Variants in SAMD12 observed in about 807,000 individuals in gnomAD.
The protein encoded by SAMD12 is sterile alpha motif domain containing 12.
A neutral mutation model predicts 15.0 loss-of-function variants in SAMD12; 9 were observed. That is an observed-to-expected ratio of 0.60 (90% confidence interval 0.36 to 1.05). The LOEUF (loss-of-function observed/expected upper bound fraction) is 1.05. Among genes scored for constraint, SAMD12 ranks in the 50% least tolerant of loss-of-function variants. The probability of loss-of-function intolerance (pLI) is 0.01; values close to 1 mark genes in which losing one functional copy is unlikely to be tolerated. For synonymous variants in SAMD12, 86 were observed against 90.1 expected (o/e 0.96, Z 0.25); for missense variants, 230 against 234.2 (o/e 0.98, Z 0.12).
intron 4 of SAMD12, among the ~76,000 whole-genome samples, chr8:118,218,582 C>T (rs1719466391): frequency 1.5e-5 from 2 of 136,840 alleles, no homozygotes; most frequent in Admixed American, 1.7e-4. Context: ...GCTATGAGTT[C>T]AACATTTTTA....
At chr8:118,334,019 A>T (rs1816937743) in intron 4 of SAMD12, among the ~76,000 whole-genome samples, 2 of 151,832 alleles carry the variant, frequency 1.3e-5, no homozygotes, top group Non-Finnish European at 2.9e-5. Context: ...CCACCCCTTC[A>T]GTGCCCATCC....
intron 1 of SAMD12, among the ~76,000 whole-genome samples, chr8:118,614,133 A>G (rs1254261003): frequency 6.6e-6 from 1 of 152,198 alleles, no homozygotes; most frequent in Non-Finnish European, 1.5e-5. Context: ...TAAAAATGCT[A>G]TAAAAATGTC....
intron 1 of SAMD12, among the ~76,000 whole-genome samples, chr8:118,614,714 G>A (rs1038234551): frequency 2.0e-4 from 31 of 152,232 alleles, no homozygotes; most frequent in African/African-American, 7.5e-4. Flanking sequence ...CCAGCACTCT[G>A]GGAAGGAGGC....
chr8:118,222,122 G>A (rs535116158), intron 4 of SAMD12, among the ~76,000 whole-genome samples: 2 of 152,274 alleles, frequency 1.3e-5, no homozygotes, highest in South Asian at 2.1e-4. Flanking sequence ...TAAGACAGGT[G>A]GCAGGAGAAA....
At chr8:118,458,876 T>G (rs1424356005) in intron 2 of SAMD12, among the ~76,000 whole-genome samples, 1 of 152,148 alleles carries the variant, frequency 6.6e-6, no homozygotes, top group Non-Finnish European at 1.5e-5. Flanking sequence ...ATCTGTAGAT[T>G]TAATGTGCCT....
At chr8:118,422,059 A>G (rs1479084394) in intron 3 of SAMD12, among the ~76,000 whole-genome samples, 1 of 152,246 alleles carries the variant, frequency 6.6e-6, no homozygotes, top group Non-Finnish European at 1.5e-5. Flanking sequence ...GCTTCATGAA[A>G]AGGAGGCAAA....
intron 1 of SAMD12, 34 bp from the exon 2 acceptor site, chr8:118,580,927 A>T: frequency 6.5e-7 from 1 of 1,540,990 alleles, no homozygotes; most frequent in Non-Finnish European, 8.8e-7. Context: ...CTCAGAAAAC[A>T]AACCACATAA....
the SAMD12 span, among the ~76,000 whole-genome samples, chr8:118,138,384 C>A: frequency 1.3e-5 from 2 of 152,066 alleles, no homozygotes; most frequent in Non-Finnish European, 2.9e-5. Flanking sequence ...TAGGTGAGGC[C>A]ATTGGGAGGA....
intron 3 of SAMD12, among the ~76,000 whole-genome samples, chr8:118,420,128 A>T (rs1821929125): frequency 6.6e-6 from 1 of 152,066 alleles, no homozygotes; most frequent in African/African-American, 2.4e-5. Flanking sequence ...GTCTGTTTTC[A>T]CTCTGGTGAC....
chr8:118,618,022 G>GT lies in SAMD12; in HGVS notation c.13+3781dup, dbSNP rs1406826276. ...CTGCTAAATTATTTCACAAGACATT[G>GT]TTTTTGTTTTTTTTTTTTTTAAAAA... is the stretch of plus-strand genomic sequence containing the variant. On this transcript the variant is annotated intron_variant, in intron 1 of 3. Transcript: ENST00000314727. Among the ~76,000 whole-genome samples, 20 of 87,016 alleles carry GT rather than the reference G, an allele frequency of 2.3e-4. No individual in the cohort carries two copies. The Admixed American group carries it at 2.9e-3, about 13-fold the overall frequency. 57.1% of individuals were successfully genotyped at this position (87,016 alleles called of 152,430 possible).
chr8:118,372,246 A>T (rs1346227948), intron 4 of SAMD12, among the ~76,000 whole-genome samples: 1 of 152,164 alleles, frequency 6.6e-6, no homozygotes, highest in Admixed American at 6.5e-5. Flanking sequence ...GCATTTCTCA[A>T]TGTCACTTGT....
chr8:118,200,651 A>G (rs1156239676), intron 4 of SAMD12, among the ~76,000 whole-genome samples: 3 of 152,164 alleles, frequency 2.0e-5, no homozygotes, highest in African/African-American at 7.2e-5. Flanking sequence ...CATGGTAGTC[A>G]GTGATGCTTC....
chr8:118,260,975 T>A (rs1813063127), intron 4 of SAMD12, among the ~76,000 whole-genome samples: 1 of 152,122 alleles, frequency 6.6e-6, no homozygotes, highest in Non-Finnish European at 1.5e-5. Flanking sequence ...TTCTCTTTCC[T>A]TTCACAACAG....
chr8:118,507,314 T>G (rs1824948205), intron 2 of SAMD12, among the ~76,000 whole-genome samples: 1 of 152,126 alleles, frequency 6.6e-6, no homozygotes, highest in Non-Finnish European at 1.5e-5. Context: ...TCCTCTGAAC[T>G]TTACCATGTA....
intron 1 of SAMD12, among the ~76,000 whole-genome samples, chr8:118,595,732 T>C (rs1827706388): frequency 6.6e-6 from 1 of 152,218 alleles, no homozygotes; most frequent in Admixed American, 6.5e-5. Context: ...ATTAACATGC[T>C]CGAATCTTGC....
chr8:118,504,578 C>T (rs1216431341), intron 2 of SAMD12, among the ~76,000 whole-genome samples: 1 of 152,112 alleles, frequency 6.6e-6, no homozygotes, highest in Non-Finnish European at 1.5e-5. Flanking sequence ...TGCAAGTGTG[C>T]CTTTACTTAG....
At chr8:118,540,312 A>G (rs1006550935) in intron 2 of SAMD12, among the ~76,000 whole-genome samples, 6 of 152,196 alleles carry the variant, frequency 3.9e-5, no homozygotes, top group South Asian at 2.1e-4. Context: ...GAGGTATGTC[A>G]TTAGTAATTT....
intron 4 of SAMD12, among the ~76,000 whole-genome samples, chr8:118,299,588 T>C (rs1297421038): frequency 6.6e-6 from 1 of 152,082 alleles, no homozygotes; most frequent in African/African-American, 2.4e-5. Context: ...CAGTAATGAA[T>C]GGGTTTTGAG....
intron 3 of SAMD12, among the ~76,000 whole-genome samples, chr8:118,437,205 A>C (rs1822601967): frequency 6.6e-6 from 1 of 152,194 alleles, no homozygotes; most frequent in Non-Finnish European, 1.5e-5. Flanking sequence ...TTTTCTGGCC[A>C]CTTGGCACTT....
Sources: gnomAD v4.1 joint callset for allele counts (sites outside exome capture counted in the v4.1 genomes callset) on GRCh38, gnomAD v4.1.1 for gene constraint, MANE v1.5 for transcripts, NCBI Gene and HGNC (gene_info 2026-07-23, HGNC 2026-07-21) for gene names.